Variants in COL25A1 observed in about 807,000 individuals in gnomAD.
The protein encoded by COL25A1 is collagen type XXV alpha 1 chain, also known as collagen alpha-1(XXV) chain.
Under a neutral mutation model 128.4 loss-of-function variants are expected in COL25A1, and 103 were observed. That is an observed-to-expected ratio of 0.80 (90% CI 0.68 to 0.94). COL25A1 has a LOEUF of 0.94. Ranked by LOEUF, COL25A1 falls within the 40% of genes least tolerant of loss-of-function variation. The pLI, the probability that COL25A1 is intolerant of heterozygous loss-of-function variation, is 0.00. For missense variants in COL25A1, 745 were observed against 840.0 expected (o/e 0.89, Z 1.40); for synonymous variants, 279 against 277.2 (o/e 1.01, Z -0.06).
At chr4:109,136,118 C>A (rs1769719451) in intron 3 of COL25A1, among the ~76,000 whole-genome samples, 1 of 152,164 alleles carries the variant, frequency 6.6e-6, no homozygotes, top group African/African-American at 2.4e-5. Context: ...TAATAATAGG[C>A]CAGGCACGGT....
At chr4:108,985,331 C>G (rs1037767209) in intron 6 of COL25A1, among the ~76,000 whole-genome samples, 3 of 152,196 alleles carry the variant, frequency 2.0e-5, no homozygotes, top group African/African-American at 7.2e-5. Context: ...CCATGCTCTT[C>G]GAACATGTTC....
In COL25A1 at chr4:108,868,351, T is replaced by A. The variant is rs201443956; in HGVS notation, c.1083+737A>T. On this transcript the variant is annotated intron_variant, in intron 20 of 37. Coordinates refer to ENST00000399132, the MANE Select transcript of COL25A1 (RefSeq NM_198721.4). Reference sequence around the variant, plus strand: ...GTGGTGCCATTAGAAGTGTTAGTAATGGGTAGATTAAGCTGCTTTCATTCT... The same window carrying A: ...GTGGTGCCATTAGAAGTGTTAGTAAAGGGTAGATTAAGCTGCTTTCATTCT... Among the ~76,000 whole-genome samples, 11 of 152,224 alleles carry A rather than the reference T, an allele frequency of 7.2e-5. No homozygotes were observed. In the East Asian group the frequency reaches 2.1e-3, roughly 29 times the overall value.
At position 109,301,667 on chromosome 4, in the gene COL25A1, A is replaced by T. The variant is rs542239710; in HGVS notation, c.297+56T>A. 25 of 1,560,920 alleles carry T rather than the reference A, an allele frequency of 1.6e-5. No individual in the cohort carries two copies. In the South Asian group the frequency reaches 1.9e-4, roughly 12 times the overall value. On this transcript the variant is annotated intron_variant, in intron 2 of 37. Transcript: ENST00000399132. ...AAGGGTAGCGGCTAGTCATGCACAC[A>T]GAGTCACGCTTGTACAAGATGTTAC...
At chr4:109,260,499 T>C (rs1267706439) in intron 3 of COL25A1, among the ~76,000 whole-genome samples, 2 of 152,112 alleles carry the variant, frequency 1.3e-5, no homozygotes, top group African/African-American at 4.8e-5. Context: ...GTTGGTTTTT[T>C]GTTTGTTTTT....
At chr4:109,144,254 T>C (rs1415154766) in intron 3 of COL25A1, among the ~76,000 whole-genome samples, 1 of 152,220 alleles carries the variant, frequency 6.6e-6, no homozygotes, top group Non-Finnish European at 1.5e-5. Context: ...TGCTGCCTGT[T>C]CCTTCTTCTG....
At chr4:108,819,773 A>G in intron 35 of COL25A1, 1 of 1,101,996 alleles carries the variant, frequency 9.1e-7, no homozygotes, top group Non-Finnish European at 1.2e-6. Context: ...TGATCCCCTC[A>G]CACAAACATC....
chr4:108,955,774 T>C (rs916854147), intron 8 of COL25A1, among the ~76,000 whole-genome samples: 1 of 152,114 alleles, frequency 6.6e-6, no homozygotes, highest in Non-Finnish European at 1.5e-5. Flanking sequence ...ATGTGAATAG[T>C]TGATAGAAGA....
At chr4:108,838,533 G>A (rs557419551) in intron 31 of COL25A1, among the ~76,000 whole-genome samples, 124 of 151,918 alleles carry the variant, frequency 8.2e-4, no homozygotes, top group Non-Finnish European at 1.5e-3. Context: ...AAGAAGATTC[G>A]GTAGAAAAAA....
chr4:108,860,863 A>C, intron 23 of COL25A1, 64 bp downstream of exon 23: 1 of 1,300,660 alleles, frequency 7.7e-7, no homozygotes, highest in Non-Finnish European at 1.1e-6. Flanking sequence ...ATAGCCATGC[A>C]GACATGAATT....
At position 108,844,310 on chromosome 4, in the gene COL25A1, A is replaced by T. The variant is rs1471004608; in HGVS notation, c.1629+209T>A. ...TGTCTTTCCTCACCTCTGTCGCAAA[A>T]CTACTCTATCTCTTCCCAACATATG... On this transcript the variant is annotated intron_variant, in intron 30 of 37. Coordinates refer to ENST00000399132, the MANE Select transcript of COL25A1 (RefSeq NM_198721.4). Among the ~76,000 whole-genome samples, 4 of 152,180 alleles carry T rather than the reference A, an allele frequency of 2.6e-5. No individual in the cohort carries two copies. In the East Asian group the frequency reaches 7.7e-4, roughly 29 times the overall value.
chr4:109,256,870 A>C (rs1469763134), intron 3 of COL25A1, among the ~76,000 whole-genome samples: 2 of 152,162 alleles, frequency 1.3e-5, no homozygotes, highest in Non-Finnish European at 2.9e-5. Flanking sequence ...AGGTAACTGG[A>C]ATCTAAGAAG....
chr4:108,855,204 A>AAT (rs1736348979), intron 24 of COL25A1, among the ~76,000 whole-genome samples: 1 of 138,432 alleles, frequency 7.2e-6, no homozygotes, highest in Non-Finnish European at 1.5e-5. Context: ...TTTTTTTTTT[A>AAT]TTTTTTAAAT....
intron 6 of COL25A1, among the ~76,000 whole-genome samples, chr4:109,006,300 A>C (rs912243874): frequency 6.7e-6 from 1 of 148,848 alleles, no homozygotes; most frequent in African/African-American, 2.5e-5. Flanking sequence ...TGCAACCTCC[A>C]TCTCAGGTTC....
intron 3 of COL25A1, among the ~76,000 whole-genome samples, chr4:109,288,994 CACACACACACAT>C (rs1222083126): frequency 1.7e-4 from 26 of 150,024 alleles, no homozygotes; most frequent in African/African-American, 5.7e-4. Context: ...CACACACACA[CACACACACACAT>C]ATATATACAA....
At chr4:109,248,256 G>A (rs1415634440) in intron 3 of COL25A1, among the ~76,000 whole-genome samples, 2 of 151,036 alleles carry the variant, frequency 1.3e-5, no homozygotes, top group South Asian at 2.1e-4. Context: ...GTATTCAATA[G>A]AATTAATATT....
chr4:109,167,370 G>A (rs1280507124), intron 3 of COL25A1, among the ~76,000 whole-genome samples: 4 of 151,966 alleles, frequency 2.6e-5, no homozygotes, highest in African/African-American at 9.7e-5. Flanking sequence ...TCTGTATTTT[G>A]GTCTCTAATT....
chr4:109,070,109 A>G (rs1762793948), intron 3 of COL25A1, among the ~76,000 whole-genome samples: 1 of 151,906 alleles, frequency 6.6e-6, no homozygotes, highest in African/African-American at 2.4e-5. Flanking sequence ...ATAAAAAAAA[A>G]CTAGCCGGGC....
intron 3 of COL25A1, among the ~76,000 whole-genome samples, chr4:109,116,117 A>C (rs1042828598): frequency 1.3e-5 from 2 of 152,020 alleles, no homozygotes; most frequent in African/African-American, 4.8e-5. Context: ...GAGATTCAGT[A>C]GGGACAGCAA....
At chr4:109,250,299 T>C (rs1335273090) in intron 3 of COL25A1, among the ~76,000 whole-genome samples, 2 of 127,708 alleles carry the variant, frequency 1.6e-5, no homozygotes, top group African/African-American at 7.0e-5. Flanking sequence ...GGCACAAATA[T>C]CTGGGGGGGG....
Sources: gnomAD v4.1 joint callset for allele counts (sites outside exome capture counted in the v4.1 genomes callset) on GRCh38, gnomAD v4.1.1 for gene constraint, MANE v1.5 for transcripts, NCBI Gene and HGNC (gene_info 2026-07-23, HGNC 2026-07-21) for gene names.